Variants in LPP observed in about 807,000 individuals in gnomAD.
The protein encoded by LPP is LIM domain containing preferred translocation partner in lipoma.
Under a neutral mutation model 60.4 loss-of-function variants are expected in LPP, and 38 were observed. The observed-to-expected ratio is 0.63, with a 90% CI of 0.49 to 0.83. The LOEUF is 0.83. Among genes scored for constraint, LPP ranks in the 40% least tolerant of loss-of-function variants. The probability of loss-of-function intolerance (pLI) is 0.00; values close to 1 mark genes in which losing one functional copy is unlikely to be tolerated. For synonymous variants in LPP, 328 were observed against 290.8 expected, an observed-to-expected ratio of 1.13 and a Z score of -1.30; for missense variants, 902 against 783.6, an observed-to-expected ratio of 1.15 and a Z score of -1.80.
At chr3:188,607,372 T>TAG (rs1209897503) in intron 6 of LPP, among the ~76,000 whole-genome samples, 124 of 4,734 alleles carry the variant, frequency 0.026, no homozygotes, top group African/African-American at 0.082. Flanking sequence ...AAATAGAAGA[T>TAG]ATATATATAT....
chr3:188,827,989 T>C (rs1440191700), intron 9 of LPP, among the ~76,000 whole-genome samples: 3 of 152,196 alleles, frequency 2.0e-5, no homozygotes, highest in Non-Finnish European at 4.4e-5. Flanking sequence ...GACCACATTT[T>C]TCCCTAATGA....
intron 8 of LPP, among the ~76,000 whole-genome samples, chr3:188,755,251 C>T (rs1729748699): frequency 6.6e-6 from 1 of 152,134 alleles, no homozygotes; most frequent in African/African-American, 2.4e-5. Context: ...GGCTTTACAT[C>T]TGCACATATT....
chr3:188,420,524 T>C (rs1279466868), intron 4 of LPP, among the ~76,000 whole-genome samples: 2 of 152,288 alleles, frequency 1.3e-5, no homozygotes, highest in East Asian at 3.9e-4. Context: ...TAATTAGGGA[T>C]TTTATTTTGG....
chr3:188,161,076 A>G (rs766303466), intron 1 of LPP, among the ~76,000 whole-genome samples: 2 of 152,204 alleles, frequency 1.3e-5, no homozygotes, highest in African/African-American at 4.8e-5. Context: ...TTTGGAGATC[A>G]CTGTGGGAGA....
At chr3:188,804,444 T>G (rs1487999800) in intron 9 of LPP, among the ~76,000 whole-genome samples, 1 of 150,936 alleles carries the variant, frequency 6.6e-6, no homozygotes, top group African/African-American at 2.4e-5. Flanking sequence ...TGGAAACATA[T>G]GGACATACAG....
intron 2 of LPP, among the ~76,000 whole-genome samples, chr3:188,306,247 A>T (rs965440046): frequency 2.9e-4 from 42 of 145,656 alleles, no homozygotes; most frequent in Non-Finnish European, 4.8e-4. Flanking sequence ...TGTCCAGCTA[A>T]TTTTTTTTTT....
intron 7 of LPP, among the ~76,000 whole-genome samples, chr3:188,707,190 A>G (rs553518389): frequency 6.3e-4 from 95 of 151,758 alleles, no homozygotes; most frequent in Non-Finnish European, 1.1e-3. Context: ...GTTTTGGGGT[A>G]CATGTGAGTT....
intron 2 of LPP, among the ~76,000 whole-genome samples, chr3:188,286,045 G>A (rs898652857): frequency 1.3e-5 from 2 of 152,102 alleles, no homozygotes; most frequent in Non-Finnish European, 2.9e-5. Context: ...TTATATGGAG[G>A]CGGAAATGGG....
rs938812193 is a variant in LPP, at chr3:188,318,913, T to C, written c.-66-22750T>C. On this transcript the variant is annotated intron_variant, in intron 2 of 11. Coordinates refer to ENST00000617246, the MANE Select transcript of LPP (RefSeq NM_001375462.1). Reference sequence around the variant, plus strand: ...AGCTGGGACTACAGGCGCGCGCCACTACGCCCGGCTAATTTTTTGTATTTT... The same window carrying C: ...AGCTGGGACTACAGGCGCGCGCCACCACGCCCGGCTAATTTTTTGTATTTT... 9.3e-4 allele frequency among the ~76,000 whole-genome samples: 140 copies of C among 150,866 alleles called. 1 individual carries two copies. The highest frequency in any genetic ancestry group is 2.5e-3 in the South Asian group (12 of 4,740).
intron 2 of LPP, among the ~76,000 whole-genome samples, chr3:188,241,213 A>G (rs1217879595): frequency 6.6e-6 from 1 of 152,176 alleles, no homozygotes; most frequent in Non-Finnish European, 1.5e-5. Flanking sequence ...TATAGCATGA[A>G]TCCAACCTGC....
intron 7 of LPP, among the ~76,000 whole-genome samples, chr3:188,686,618 T>G (rs1860791235): frequency 1.3e-5 from 2 of 152,230 alleles, no homozygotes; most frequent in African/African-American, 2.4e-5. Context: ...CTAGAGATAC[T>G]GAATTAATTG....
At chr3:188,446,791 G>A (rs1197171919) in intron 4 of LPP, among the ~76,000 whole-genome samples, 2 of 152,206 alleles carry the variant, frequency 1.3e-5, no homozygotes, top group Non-Finnish European at 2.9e-5. Context: ...ATTGGACCGT[G>A]ATTGTTTTCA....
intron 9 of LPP, among the ~76,000 whole-genome samples, chr3:188,807,800 G>A (rs2151264094): frequency 6.6e-6 from 1 of 152,172 alleles, no homozygotes; most frequent in East Asian, 1.9e-4. Context: ...ATTAATCATA[G>A]TTATTTTAAA....
At chr3:188,743,227 ATAATAATTGGT>A (rs1412141454) in intron 8 of LPP, among the ~76,000 whole-genome samples, 1 of 152,154 alleles carries the variant, frequency 6.6e-6, no homozygotes, top group Non-Finnish European at 1.5e-5. Flanking sequence ...ATTAATTTAC[ATAATAATTGGT>A]TAACTCACAT....
chr3:188,727,630 ATG>A (rs960260627), intron 8 of LPP, among the ~76,000 whole-genome samples: 31 of 152,334 alleles, frequency 2.0e-4, no homozygotes, highest in African/African-American at 6.5e-4. Context: ...TTATTCATAT[ATG>A]TATGTCTAAC....
At chr3:188,752,079 A>T (rs571187811) in intron 8 of LPP, among the ~76,000 whole-genome samples, 1 of 152,294 alleles carries the variant, frequency 6.6e-6, no homozygotes, top group African/African-American at 2.4e-5. Flanking sequence ...GTTGAACTAT[A>T]TACTTCCTAT....
intron 9 of LPP, among the ~76,000 whole-genome samples, chr3:188,818,323 T>A (rs1259917177): frequency 6.6e-6 from 1 of 152,168 alleles, no homozygotes; most frequent in African/African-American, 2.4e-5. Context: ...TAGTTGATAG[T>A]ATGTATCCTC....
chr3:188,386,262 GCGCACACACA>G (rs1014361699), intron 3 of LPP, among the ~76,000 whole-genome samples: 9 of 69,548 alleles, frequency 1.3e-4, no homozygotes, highest in African/African-American at 4.2e-4. Context: ...CATAGCATGC[GCGCACACACA>G]CACACACACA....
rs934732537 is a variant in LPP at position 188,638,854 on chromosome 3, G to C, written c.1113+29010G>C. On this transcript the variant is annotated intron_variant, in intron 7 of 11. Coordinates refer to ENST00000617246, the MANE Select transcript of LPP (RefSeq NM_001375462.1). Reference sequence around the variant, plus strand: ...AGGAGAACTACAAACCACTGCTCAAGGAAATAAAAGAGGATACAAACAAAT... The same window carrying C: ...AGGAGAACTACAAACCACTGCTCAACGAAATAAAAGAGGATACAAACAAAT... Among the ~76,000 whole-genome samples, 15 of 150,950 alleles carry C rather than the reference G, an allele frequency of 9.9e-5. No homozygotes were observed. The East Asian group carries it at 2.7e-3, about 28-fold the overall frequency.
Sources: allele counts gnomAD v4.1 joint callset (sites outside exome capture counted in the v4.1 genomes callset), GRCh38; gene constraint gnomAD v4.1.1; transcripts MANE v1.5; gene names NCBI Gene and HGNC (gene_info 2026-07-23, HGNC 2026-07-21).